PIGU: variants seen among roughly 807,000 people sequenced by gnomAD.
PIGU encodes GPI-anchor transamidase component PIGU.
A neutral mutation model predicts 49.9 loss-of-function variants in PIGU; 24 were observed. The observed-to-expected ratio is 0.48, with a 90% CI of 0.35 to 0.68. The LOEUF is 0.68. Ranked by LOEUF, PIGU falls within the 30% of genes least tolerant of loss-of-function variation. PIGU has a pLI of 0.01. For synonymous variants in PIGU, 220 were observed against 205.7 expected (o/e 1.07, Z -0.59); for missense variants, 490 against 532.6 (o/e 0.92, Z 0.79).
chr20:34,629,480 T>C (rs908166482), intron 6 of PIGU, among the ~76,000 whole-genome samples: 2 of 152,158 alleles, frequency 1.3e-5, no homozygotes, highest in Non-Finnish European at 1.5e-5. Flanking sequence ...ATGACAACCA[T>C]GTGGAGCAGA....
At chr20:34,581,843 T>C (rs1983487100) in intron 9 of PIGU, among the ~76,000 whole-genome samples, 171 bp from the exon 10 acceptor site, 1 of 152,194 alleles carries the variant, frequency 6.6e-6, no homozygotes. Context: ...AGCAGAAAAC[T>C]GCAGGGACCC....
At chr20:34,577,842 C>A (rs1199939967) in intron 10 of PIGU, among the ~76,000 whole-genome samples, 2 of 152,160 alleles carry the variant, frequency 1.3e-5, no homozygotes, top group Non-Finnish European at 2.9e-5. Flanking sequence ...CAGGTAATTC[C>A]AATATGCAGT....
chr20:34,597,441 T>C (rs1487695324), intron 7 of PIGU, among the ~76,000 whole-genome samples: 1 of 152,236 alleles, frequency 6.6e-6, no homozygotes, highest in Non-Finnish European at 1.5e-5. Flanking sequence ...GTTAAAACAA[T>C]ATTCAGAACA....
rs1454220274 is a variant in PIGU, at chr20:34,560,756, G to A, written c.*110C>T. On this transcript the variant is annotated 3_prime_UTR_variant, in exon 12 of 12. Transcript: ENST00000217446. ...ACCAGAGACTTGTGACCCTGGACTC[G>A]AACCTCTTCTGCCCAAGCACTCGCC... 3 of 750,952 alleles carry A rather than the reference G, an allele frequency of 4.0e-6. No individual in the cohort carries two copies. The highest frequency in any genetic ancestry group is 3.2e-5 in the East Asian group (1 of 31,582). 46.5% of individuals were successfully genotyped at this position (750,952 alleles called of 1,614,324 possible).
At position 34,645,338 on chromosome 20, in the gene PIGU, C is replaced by T. The variant is rs780080545; in HGVS notation, c.196-4G>A. 3.2e-6 allele frequency: 5 copies of T among 1,556,040 alleles called. No individual in the cohort carries two copies. The highest frequency in any genetic ancestry group is 1.4e-5 in the African/African-American group (1 of 71,364). ...AGAGGTATATTATTAATGGAGTCTGCAGAAAAAAAACAGACATGTAAAAAA... is the reference window on the plus strand; with the variant it reads ...AGAGGTATATTATTAATGGAGTCTGTAGAAAAAAAACAGACATGTAAAAAA... On this transcript the variant is annotated splice_region_variant and splice_polypyrimidine_tract_variant and intron_variant, in intron 2 of 11. Transcript: ENST00000217446.
At chr20:34,654,573 A>G (rs1365228472) in intron 2 of PIGU, among the ~76,000 whole-genome samples, 1 of 120,318 alleles carries the variant, frequency 8.3e-6, no homozygotes, top group Non-Finnish European at 1.8e-5. Flanking sequence ...ATTAACCCAG[A>G]GATAATAAAA....
chr20:34,602,363 G>A (rs767673163), intron 7 of PIGU, among the ~76,000 whole-genome samples: 17 of 151,638 alleles, frequency 1.1e-4, no homozygotes, highest in Admixed American at 2.0e-4. Flanking sequence ...TTGGGAGGCC[G>A]AGGTGGGCGG....
chr20:34,662,727 T>C (rs1986967275), intron 1 of PIGU, among the ~76,000 whole-genome samples: 1 of 152,138 alleles, frequency 6.6e-6, no homozygotes, highest in Non-Finnish European at 1.5e-5. Flanking sequence ...ATTTAATTAT[T>C]TGAAAGAGAG....
chr20:34,592,981 T>C (rs1456020248), intron 7 of PIGU, among the ~76,000 whole-genome samples: 2 of 152,150 alleles, frequency 1.3e-5, no homozygotes, highest in African/African-American at 4.8e-5. Flanking sequence ...TATAATATTA[T>C]AGTACTAAAT....
At chr20:34,578,540 C>T (rs960592230) in intron 10 of PIGU, among the ~76,000 whole-genome samples, 2 of 152,198 alleles carry the variant, frequency 1.3e-5, no homozygotes, top group African/African-American at 4.8e-5. Flanking sequence ...GCCAGGGACA[C>T]AGATTTCAGA....
intron 11 of PIGU, among the ~76,000 whole-genome samples, chr20:34,571,634 G>A (rs138953936): frequency 2.6e-5 from 4 of 152,294 alleles, no homozygotes; most frequent in African/African-American, 4.8e-5. Flanking sequence ...CGTACGTCTC[G>A]ATGGAAGACA....
chr20:34,600,087 A>G (rs1984357829), intron 7 of PIGU, among the ~76,000 whole-genome samples: 1 of 152,168 alleles, frequency 6.6e-6, no homozygotes, highest in African/African-American at 2.4e-5. Flanking sequence ...TAAAGTTTCA[A>G]GAGAATGATA....
intron 6 of PIGU, among the ~76,000 whole-genome samples, chr20:34,620,117 T>C (rs1162899201): frequency 6.6e-6 from 1 of 152,194 alleles, no homozygotes; most frequent in Non-Finnish European, 1.5e-5. Context: ...AGATTGTGGC[T>C]AGCCAGTCTT....
Position 34,585,471 on chromosome 20 carries a change from A to G in PIGU, c.892T>C (p.Phe298Leu), listed in dbSNP as rs556384435. The G allele has an allele frequency of 7.4e-6, 12 of 1,614,178 alleles. No homozygotes were observed. In the African/African-American group the frequency reaches 1.6e-4, roughly 22 times the overall value. ...FFVCVFQINVFFYTIPLAIKL... is the reference protein window; with the variant it reads ...FFVCVFQINVLFYTIPLAIKL... ...ATGGCTAAGGGGATGGTGTAGAAGA[A>G]GACGTTGATCTGAAACACACATACA... The change falls in exon 9 of 12, where the codon TTC becomes CTC. Residue 298 changes from phenylalanine to leucine, a missense_variant. Phe to Leu is a conservative substitution (Grantham distance 22). Transcript: ENST00000217446.
intron 11 of PIGU, chr20:34,562,527 A>AG: frequency 7.8e-7 from 1 of 1,289,404 alleles, no homozygotes; most frequent in Non-Finnish European, 1.0e-6. Context: ...TGATGGCCTC[A>AG]GGACAAGTAC....
intron 1 of PIGU, among the ~76,000 whole-genome samples, chr20:34,672,567 A>C (rs778473154): frequency 3.9e-5 from 6 of 152,124 alleles, no homozygotes; most frequent in Non-Finnish European, 7.4e-5. Flanking sequence ...TTCAAAAAAA[A>C]AGAGGTCAGG....
At chr20:34,598,370 G>A (rs1032614262) in intron 7 of PIGU, among the ~76,000 whole-genome samples, 16 of 152,166 alleles carry the variant, frequency 1.1e-4, no homozygotes, top group Non-Finnish European at 2.1e-4. Flanking sequence ...GATAAGCATA[G>A]AGAGGTAGAG....
chr20:34,572,977 G>A (rs1228933327), intron 11 of PIGU, among the ~76,000 whole-genome samples: 1 of 152,096 alleles, frequency 6.6e-6, no homozygotes, highest in Non-Finnish European at 1.5e-5. Context: ...AAATGATGGG[G>A]GCTCAGGCAG....
intron 1 of PIGU, among the ~76,000 whole-genome samples, chr20:34,662,182 C>T (rs1986947979): frequency 6.6e-6 from 1 of 152,112 alleles, no homozygotes; most frequent in Non-Finnish European, 1.5e-5. Context: ...AATCGATCCT[C>T]CCACCTCAGC....
Sources: gnomAD v4.1 joint callset for allele counts (sites outside exome capture counted in the v4.1 genomes callset) on GRCh38, gnomAD v4.1.1 for gene constraint, MANE v1.5 for transcripts, NCBI Gene and HGNC (gene_info 2026-07-23, HGNC 2026-07-21) for gene names.